Variants in PSORS1C2 observed in about 807,000 individuals in gnomAD.
PSORS1C2 encodes psoriasis susceptibility 1 candidate gene 2 protein.
PSORS1C2 carries 13 observed loss-of-function variants against 12.2 expected under a neutral mutation model. The ratio of observed to expected loss-of-function variants is 1.07; its 90% CI spans 0.70 to 1.70. The LOEUF (loss-of-function observed/expected upper bound fraction) is 1.70, where lower values mean the gene tolerates loss of function less well. Among genes scored for constraint, PSORS1C2 ranks in the 40% most tolerant of loss-of-function variants. The pLI is 0.00. For synonymous variants in PSORS1C2, 76 were observed against 69.2 expected, an observed-to-expected ratio of 1.10 and a Z score of -0.49; for missense variants, 186 against 173.4, an observed-to-expected ratio of 1.07 and a Z score of -0.41.
At position 31,138,205 on chromosome 6, in the gene PSORS1C2, G is replaced by A. The variant is rs1464993856; in HGVS notation, c.157C>T (p.Pro53Ser). ...LPQGPPVPGD[P>S]WPGAPPLFED... ...AAGAGAGGGGGTGCCCCTGGCCAAG[G>A]GTCACCGGGGACTGGGGGGCCCTGA... The change falls in exon 2 of 2, where the codon CCT (proline) becomes TCT (serine). Residue 53 changes from proline to serine, a missense_variant. By Grantham distance (74) the Pro-to-Ser change is moderately conservative (BLOSUM62 -1). Transcript: ENST00000259845. 2 of 1,572,014 alleles carry A rather than the reference G, an allele frequency of 1.3e-6. No homozygotes were observed. Among genetic ancestry groups the A allele is most frequent in the Non-Finnish European group, 1.7e-6 (2 of 1,161,268 alleles).
chr6:31,138,363 ACCCAGC>A (rs1383652498), intron 1 of PSORS1C2, 57 bp from the exon 2 acceptor site: 5 of 912,228 alleles, frequency 5.5e-6, no homozygotes, highest in African/African-American at 1.8e-5. Flanking sequence ...CCCCAGCCCC[ACCCAGC>A]CCCAGCCCCA....
intron 1 of PSORS1C2, chr6:31,138,514 T>C: frequency 6.2e-7 from 1 of 1,608,154 alleles, no homozygotes; most frequent in Non-Finnish European, 8.5e-7. Context: ...CTACCCCCGA[T>C]GGATCTGAAC....
Position 31,138,241 on chromosome 6 carries a change from G to A in PSORS1C2, c.121C>T (p.Pro41Ser), listed in dbSNP as rs747426780. Residue 41 changes from proline (P) to serine (S), a missense_variant, in exon 2 of 2, where the codon CCA (proline) becomes TCA (serine). Physicochemically the swap from Pro to Ser is moderately conservative, Grantham distance 74 (BLOSUM62 -1). Coordinates refer to ENST00000259845, the MANE Select transcript of PSORS1C2 (RefSeq NM_014069.3). ...PAEDREEAGS[P>S]TLPQGPPVPG... ...ACTGGGGGGCCCTGAGGCAATGTTG[G>A]GGAGCCTGCCTCCTCTCGGTCCTCT... 177 of 1,567,952 alleles carry A rather than the reference G, an allele frequency of 1.1e-4. No individual in the cohort carries two copies. Among genetic ancestry groups the A allele is most frequent in the Non-Finnish European group, 8.0e-5 (93 of 1,158,576 alleles).
Position 31,137,837 on chromosome 6 carries a change from A to C in PSORS1C2, c.*114T>G. 2.1e-6 allele frequency: 1 copy of C among 481,168 alleles called. No individual in the cohort carries two copies. Among genetic ancestry groups the C allele is most frequent in the South Asian group, 5.1e-5 (1 of 19,532 alleles). 29.8% of individuals were successfully genotyped at this position (481,168 alleles called of 1,614,324 possible). On this transcript the variant is annotated 3_prime_UTR_variant, in exon 2 of 2. Transcript: ENST00000259845. ...GGTTCAGAATAAAACCGAGGGAATG[A>C]GGAAGAGGTTTAAGGAGACAGGCTA...
Position 31,138,264 on chromosome 6 carries a change from T to C in PSORS1C2, c.98A>G (p.Glu33Gly). The C allele has an allele frequency of 6.3e-7, 1 of 1,576,054 alleles. No homozygotes were observed. Among genetic ancestry groups the C allele is most frequent in the African/African-American group, 1.4e-5 (1 of 73,940 alleles). ...SEGHPSHPPA[E>G]DREEAGSPTL... is the part of the protein sequence containing the mutation. ...TGGGGAGCCTGCCTCCTCTCGGTCCTCTGCGGGTGGGTGAGAGGGGTGGCC... is the reference window on the plus strand; with the variant it reads ...TGGGGAGCCTGCCTCCTCTCGGTCCCCTGCGGGTGGGTGAGAGGGGTGGCC... The change falls in exon 2 of 2, where the codon GAG (glutamate) becomes GGG (glycine). Residue 33 changes from glutamate to glycine, a missense_variant. By Grantham distance (98) the Glu-to-Gly change is moderately conservative. Transcript: ENST00000259845.
Position 31,137,606 on chromosome 6 carries a change from C to G in PSORS1C2, c.*345G>C. 1 of 318,454 alleles carries G rather than the reference C, an allele frequency of 3.1e-6. No individual in the cohort carries two copies. Among genetic ancestry groups the G allele is most frequent in the Non-Finnish European group, 5.7e-6 (1 of 175,654 alleles). 19.7% of individuals were successfully genotyped at this position (318,454 alleles called of 1,614,324 possible). ...GTCTACTGATAGTTCCTGCCGCCGGCCACCAGGTGGCAGAAGGGAACACAG... is the reference window on the plus strand; with the variant it reads ...GTCTACTGATAGTTCCTGCCGCCGGGCACCAGGTGGCAGAAGGGAACACAG... On this transcript the variant is annotated 3_prime_UTR_variant, in exon 2 of 2. Coordinates refer to ENST00000259845, the MANE Select transcript of PSORS1C2 (RefSeq NM_014069.3).
In PSORS1C2 at chr6:31,138,313, A is replaced by G. The variant is rs755944410; in HGVS notation, c.56-7T>C. The G allele has an allele frequency of 1.5e-5, 24 of 1,603,322 alleles. No individual in the cohort carries two copies. Among genetic ancestry groups the G allele is most frequent in the Non-Finnish European group, 2.0e-5 (24 of 1,174,548 alleles). On this transcript the variant is annotated splice_polypyrimidine_tract_variant and splice_region_variant and intron_variant, in intron 1 of 1. Transcript: ENST00000259845. ...CCCTCGCTGCCTGAGATGCCTGTAA[A>G]GGAGGAAGGAGAAAGGTAAGAGGTG... is the stretch of plus-strand genomic sequence containing the variant.
In PSORS1C2 at chr6:31,137,853, A is replaced by G; in HGVS notation, c.*98T>C. The G allele has an allele frequency of 1.8e-6, 1 of 560,996 alleles. No individual in the cohort carries two copies. The highest frequency in any genetic ancestry group is 3.3e-5 in the South Asian group (1 of 30,498). The allele number at this position is 560,996 out of a possible 1,614,324, so 34.8% of individuals were successfully genotyped here. A position where few individuals can be genotyped will look rare whatever the true frequency, so the allele number is the denominator to read the frequency against. ...GAGGGAATGAGGAAGAGGTTTAAGG[A>G]GACAGGCTAAATTGGGAAGAATTCA... On this transcript the variant is annotated 3_prime_UTR_variant, in exon 2 of 2. Coordinates refer to ENST00000259845, the MANE Select transcript of PSORS1C2 (RefSeq NM_014069.3).
At position 31,138,289 on chromosome 6, in the gene PSORS1C2, C is replaced by T. The variant is rs1561776402; in HGVS notation, c.73G>A (p.Gly25Ser). 1 of 1,587,298 alleles carries T rather than the reference C, an allele frequency of 6.3e-7. No individual in the cohort carries two copies. Among genetic ancestry groups the T allele is most frequent in the East Asian group, 2.2e-5 (1 of 44,548 alleles). ...TCTGCGGGTGGGTGAGAGGGGTGGC[C>T]CTCGCTGCCTGAGATGCCTGTAAAG... is the stretch of plus-strand genomic sequence containing the variant. ...LHTRGISGSE[G>S]HPSHPPAEDR... Residue 25 changes from glycine (G) to serine (S), a missense_variant, in exon 2 of 2, where the codon GGC (glycine) becomes AGC (serine). Physicochemically the swap from Gly to Ser is moderately conservative, Grantham distance 56. Coordinates refer to ENST00000259845, the MANE Select transcript of PSORS1C2 (RefSeq NM_014069.3).
chr6:31,138,104 CG>C lies in PSORS1C2; in HGVS notation c.257del (p.Pro86ArgfsTer43). 6.2e-7 allele frequency: 1 copy of C among 1,600,886 alleles called. No homozygotes were observed. The highest frequency in any genetic ancestry group is 1.1e-5 in the South Asian group (1 of 89,308). On this transcript the variant is annotated frameshift_variant, in exon 2 of 2. Transcript: ENST00000259845. LOFTEE classifies it high-confidence loss of function. Reference sequence around the variant, plus strand: ...GAGGTTGAGGAGGATCCGTTCTAGGCGGTTCAGGGAGCCAGACTCCAGTTTC... The same window carrying C: ...GAGGTTGAGGAGGATCCGTTCTAGGCGTTCAGGGAGCCAGACTCCAGTTTC... ...LPETGVWLPEPPRTDPPQPPR... is the reference protein window; with the variant it reads ...LPETGVWLPEXPRTDPPQPPR...
Position 31,137,663 on chromosome 6 carries a change from C to T in PSORS1C2, c.*288G>A. The T allele has an allele frequency of 2.8e-6, 1 of 361,132 alleles. No homozygotes were observed. The highest frequency in any genetic ancestry group is 4.9e-6 in the Non-Finnish European group (1 of 202,996). 22.4% of individuals were successfully genotyped at this position (361,132 alleles called of 1,614,324 possible). ...AGCCCTGCCCCAGCGATCGCGCGGG[C>T]AGGAAGACCGGGTGGGAGGTAGGTG... On this transcript the variant is annotated 3_prime_UTR_variant, in exon 2 of 2. Coordinates refer to ENST00000259845, the MANE Select transcript of PSORS1C2 (RefSeq NM_014069.3).
chr6:31,138,858 C>T (rs1773305525), intron 1 of PSORS1C2, 114 bp downstream of exon 1: 1 of 1,602,844 alleles, frequency 6.2e-7, no homozygotes, highest in Admixed American at 1.7e-5. Context: ...GCCAGATGCA[C>T]CTTCTGCGTC....
In PSORS1C2 at chr6:31,139,040, C is replaced by T. The variant is rs1228779619; in HGVS notation, c.-14G>A. ...GTTGAGGATCATGGCTATGTACTGGCCCCCAAAGCTGGGGTGGGCTGAGTC... is the reference window on the plus strand; with the variant it reads ...GTTGAGGATCATGGCTATGTACTGGTCCCCAAAGCTGGGGTGGGCTGAGTC... On this transcript the variant is annotated 5_prime_UTR_variant, in exon 1 of 2. Coordinates refer to ENST00000259845, the MANE Select transcript of PSORS1C2 (RefSeq NM_014069.3). This position sits in a 1 kb window ranked among gnomAD's most constrained non-coding sequence, Gnocchi z 5.2. The T allele has an allele frequency of 1.7e-5, 27 of 1,613,464 alleles. No homozygotes were observed. The highest frequency in any genetic ancestry group is 2.3e-5 in the Non-Finnish European group (27 of 1,179,596).
rs1156819386 is a variant in PSORS1C2, at chr6:31,138,182, G to A, written c.180C>T (p.Leu60=). 1.9e-6 allele frequency: 3 copies of A among 1,582,276 alleles called. No individual in the cohort carries two copies. The highest frequency in any genetic ancestry group is 2.6e-6 in the Non-Finnish European group (3 of 1,167,356). ...PGDPWPGAPP[L]FEDPPPTRPS... ...GGCGGGTAGGCGGAGGATCTTCAAA[G>A]AGAGGGGGTGCCCCTGGCCAAGGGT... The change falls in exon 2 of 2, where the codon CTC becomes CTT. Residue 60 remains leucine (L), a synonymous_variant. Coordinates refer to ENST00000259845, the MANE Select transcript of PSORS1C2 (RefSeq NM_014069.3).
At position 31,138,955 on chromosome 6, in the gene PSORS1C2, C is replaced by T; in HGVS notation, c.55+17G>A. Reference sequence around the variant, plus strand: ...CATCACCCCAAACTGCAGTCCCTGCCTCTGTTCCCACCTCACCTCTGGTGT... The same window carrying T: ...CATCACCCCAAACTGCAGTCCCTGCTTCTGTTCCCACCTCACCTCTGGTGT... On this transcript the variant is annotated intron_variant, in intron 1 of 1. Coordinates refer to ENST00000259845, the MANE Select transcript of PSORS1C2 (RefSeq NM_014069.3). 1 of 1,613,788 alleles carries T rather than the reference C, an allele frequency of 6.2e-7. No homozygotes were observed. The highest frequency in any genetic ancestry group is 8.5e-7 in the Non-Finnish European group (1 of 1,179,696).
At chr6:31,138,345 GCTT>G in intron 1 of PSORS1C2, 39 bp from the exon 2 acceptor site, 6 of 1,605,882 alleles carry the variant, frequency 3.7e-6, no homozygotes, top group Non-Finnish European at 5.1e-6. Context: ...GGTGGTGAGG[GCTT>G]CTCTCCCCAG....
Position 31,138,121 on chromosome 6 carries a change from C to A in PSORS1C2, c.241G>T (p.Val81Phe). The part of the protein sequence containing the change: ...RPWRDLPETG[V>F]WLPEPPRTDP... ...GTTCTAGGCGGTTCAGGGAGCCAGA[C>A]TCCAGTTTCAGGCAGGTCTCTCCAG... Residue 81 changes from valine to phenylalanine, a missense_variant, in exon 2 of 2, where the codon GTC (valine) becomes TTC (phenylalanine). Coordinates refer to ENST00000259845, the MANE Select transcript of PSORS1C2 (RefSeq NM_014069.3). The A allele has an allele frequency of 6.2e-7, 1 of 1,605,094 alleles. No homozygotes were observed. Among genetic ancestry groups the A allele is most frequent in the Non-Finnish European group, 8.5e-7 (1 of 1,176,744 alleles).
chr6:31,137,828 G>T lies in PSORS1C2; in HGVS notation c.*123C>A. 2.1e-6 allele frequency: 1 copy of T among 468,242 alleles called. No homozygotes were observed. The highest frequency in any genetic ancestry group is 5.6e-5 in the South Asian group (1 of 17,882). The allele number at this position is 468,242 out of a possible 1,614,324, so 29.0% of individuals were successfully genotyped here. On this transcript the variant is annotated 3_prime_UTR_variant, in exon 2 of 2. Transcript: ENST00000259845. ...CACCTTACGGGTTCAGAATAAAACC[G>T]AGGGAATGAGGAAGAGGTTTAAGGA...
Position 31,137,738 on chromosome 6 carries a change from G to T in PSORS1C2, c.*213C>A, listed in dbSNP as rs1773217100. ...GGAGAGTAGGCTTAGGCTGTCAGAG[G>T]AAAAAACGGGCGATGTGAGGACTAA... On this transcript the variant is annotated 3_prime_UTR_variant, in exon 2 of 2. Transcript: ENST00000259845. 4 of 402,560 alleles carry T rather than the reference G, an allele frequency of 9.9e-6. No homozygotes were observed. Among genetic ancestry groups the T allele is most frequent in the Non-Finnish European group, 1.8e-5 (4 of 228,374 alleles). The allele number at this position is 402,560 out of a possible 1,614,324, so 24.9% of individuals were successfully genotyped here.
Sources: gnomAD v4.1 joint callset for allele counts on GRCh38, gnomAD v4.1.1 for gene constraint, Gnocchi (gnomAD v3.1) non-coding constraint, MANE v1.5 for transcripts, NCBI Gene and HGNC (gene_info 2026-07-23, HGNC 2026-07-21) for gene names.